The following TRIOBP variants were observed in gnomAD, a reference collection of about 807,000 sequenced individuals.
TRIOBP encodes TRIO and F-actin-binding protein.
In TRIOBP, 169 loss-of-function variants were observed where a neutral mutation model predicts 238.8. That is an observed-to-expected ratio of 0.71 (90% confidence interval 0.62 to 0.80). The LOEUF (loss-of-function observed/expected upper bound fraction) is 0.80, where lower values mean the gene tolerates loss of function less well. Among genes scored for constraint, TRIOBP ranks in the 30% least tolerant of loss-of-function variants. The pLI, the probability that TRIOBP is intolerant of heterozygous loss-of-function variation, is 0.00. For missense variants in TRIOBP, 2,838 were observed against 3,122.6 expected (o/e 0.91, Z 2.17); for synonymous variants, 1,150 against 1,274.4 (o/e 0.90, Z 2.08).
At chr22:37,746,542 T>A in intron 11 of TRIOBP, 1 of 914,216 alleles carries the variant, frequency 1.1e-6, no homozygotes. Flanking sequence ...AGAGGAGGGC[T>A]GGGCCGGAAG....
chr22:37,718,986 A>G (rs1469127751), intron 6 of TRIOBP, among the ~76,000 whole-genome samples: 4 of 150,126 alleles, frequency 2.7e-5, no homozygotes, highest in African/African-American at 9.8e-5. Context: ...AGCTGGGACT[A>G]TAGGTGCCTG....
At chr22:37,759,571 G>GTGACACTCTGCACTTGGACCCTTGCCCC in intron 17 of TRIOBP, 1 of 1,592,858 alleles carries the variant, frequency 6.3e-7, no homozygotes, top group African/African-American at 1.3e-5. Flanking sequence ...GAGTCCCCGT[G>GTGACACTCTGCACTTGGACCCTTGCCCC]TGACACTCTG....
chr22:37,768,154 G>C lies in TRIOBP; in HGVS notation c.6553G>C (p.Asp2185His). The C allele has an allele frequency of 6.2e-7, 1 of 1,612,994 alleles. No homozygotes were observed. Among genetic ancestry groups the C allele is most frequent in the Non-Finnish European group, 8.5e-7 (1 of 1,179,534 alleles). ...SKTRSLQQGP[D>H]GLRKQHQSDV... Reference sequence around the variant, plus strand: ...AACACGGAGTCTCCAGCAGGGCCCGGATGGCCTCCGGAAGCAGCACCAGTA... The same window carrying C: ...AACACGGAGTCTCCAGCAGGGCCCGCATGGCCTCCGGAAGCAGCACCAGTA... The change falls in exon 19 of 24, where the codon GAT becomes CAT. Residue 2185 changes from aspartate (D) to histidine (H), a missense_variant. This residue lies in a region of TRIOBP where 2,096 missense variants were observed against 2,137.4 expected (regional missense o/e 0.98). Transcript: ENST00000644935.
chr22:37,738,900 G>A (rs550501944), intron 10 of TRIOBP, among the ~76,000 whole-genome samples, 181 bp downstream of exon 10: 1 of 152,312 alleles, frequency 6.6e-6, no homozygotes, highest in East Asian at 1.9e-4. Context: ...CCACCTTCTG[G>A]CTTGGGGACC....
intron 12 of TRIOBP, 55 bp from the exon 13 acceptor site, chr22:37,754,822 A>G: frequency 1.3e-6 from 2 of 1,582,900 alleles, no homozygotes; most frequent in Non-Finnish European, 1.7e-6. Flanking sequence ...TGGCAGCCAC[A>G]CAGGACACCT....
At chr22:37,705,362 G>A (rs536942106) in intron 3 of TRIOBP, among the ~76,000 whole-genome samples, 4 of 151,730 alleles carry the variant, frequency 2.6e-5, no homozygotes, top group South Asian at 2.1e-4. Context: ...GCAACAGAGC[G>A]AGAATCCTCT....
chr22:37,705,480 G>A (rs778208578), intron 3 of TRIOBP, among the ~76,000 whole-genome samples: 3 of 152,054 alleles, frequency 2.0e-5, no homozygotes, highest in Non-Finnish European at 4.4e-5. Context: ...GGAGCTATAG[G>A]ACAAGGATGG....
intron 7 of TRIOBP, among the ~76,000 whole-genome samples, chr22:37,727,708 A>G (rs941932211): frequency 2.6e-5 from 4 of 152,132 alleles, no homozygotes; most frequent in East Asian, 1.9e-4. Context: ...AGAGCTACCT[A>G]TTTTAAGAAA....
intron 17 of TRIOBP, 100 bp downstream of exon 17, chr22:37,759,364 T>C: frequency 7.4e-7 from 1 of 1,343,776 alleles, no homozygotes; most frequent in South Asian, 1.2e-5. Flanking sequence ...CTGTGTGTGC[T>C]GGAACCTGTG....
chr22:37,713,976 G>A (rs540709933), intron 5 of TRIOBP, among the ~76,000 whole-genome samples: 33 of 152,322 alleles, frequency 2.2e-4, no homozygotes, highest in African/African-American at 7.0e-4. Context: ...ATGACAGGGG[G>A]TGGTGATAAG....
At chr22:37,716,920 C>G (rs1452398890) in intron 6 of TRIOBP, among the ~76,000 whole-genome samples, 3 of 152,168 alleles carry the variant, frequency 2.0e-5, no homozygotes, top group Admixed American at 1.3e-4. Context: ...ATGCAAAATC[C>G]CTAGGGTGAT....
At chr22:37,716,110 AATT>A (rs964501224) in intron 6 of TRIOBP, among the ~76,000 whole-genome samples, 176 bp downstream of exon 6, 1 of 151,976 alleles carries the variant, frequency 6.6e-6, no homozygotes, top group Non-Finnish European at 1.5e-5. Flanking sequence ...TACCCACTTT[AATT>A]ATTATTATTA....
At chr22:37,730,531 C>G (rs1924372314) in intron 7 of TRIOBP, among the ~76,000 whole-genome samples, 1 of 152,124 alleles carries the variant, frequency 6.6e-6, no homozygotes, top group African/African-American at 2.4e-5. Flanking sequence ...GAGGAACAGC[C>G]CACTGGGTCA....
chr22:37,748,766 G>A (rs1044543226), intron 11 of TRIOBP, among the ~76,000 whole-genome samples: 9 of 152,128 alleles, frequency 5.9e-5, no homozygotes, highest in Non-Finnish European at 4.4e-5. Context: ...AGGGCAGGAC[G>A]GGGGCGGCTG....
Position 37,759,210 on chromosome 22 carries a change from G to T in TRIOBP, c.6270G>T (p.Gln2090His), listed in dbSNP as rs117821814. 6.2e-7 allele frequency: 1 copy of T among 1,613,072 alleles called. No individual in the cohort carries two copies. The highest frequency in any genetic ancestry group is 1.7e-5 in the Admixed American group (1 of 60,008). ...GGCGTCTCCAAGGGGAGGCTCCTCAGAGTGCACTGAGATCCCAGGAGGATG... is the reference window on the plus strand; with the variant it reads ...GGCGTCTCCAAGGGGAGGCTCCTCATAGTGCACTGAGATCCCAGGAGGATG... ...EAWRLQGEAP[Q>H]SALRSQEDGH... is the part of the protein sequence containing the mutation. The change falls in exon 17 of 24, where the codon CAG becomes CAT. Residue 2090 changes from glutamine (Q) to histidine (H), a missense_variant. By Grantham distance (24) the Gln-to-His change is conservative. This residue lies in a region of TRIOBP where 2,096 missense variants were observed against 2,137.4 expected (regional missense o/e 0.98). Coordinates refer to ENST00000644935, the MANE Select transcript of TRIOBP (RefSeq NM_001039141.3).
intron 3 of TRIOBP, among the ~76,000 whole-genome samples, chr22:37,702,238 G>A (rs528680693): frequency 5.3e-5 from 8 of 151,934 alleles, no homozygotes; most frequent in East Asian, 1.9e-4. Context: ...TCACTCTGTC[G>A]CCTGGGCTAG....
intron 11 of TRIOBP, among the ~76,000 whole-genome samples, chr22:37,748,522 G>A (rs1925401410): frequency 6.6e-6 from 1 of 152,112 alleles, no homozygotes; most frequent in African/African-American, 2.4e-5. Context: ...ACCAGGGCAG[G>A]GGCCACAGCT....
chr22:37,715,812 A>T lies in TRIOBP; in HGVS notation c.506A>T (p.Glu169Val). 1 of 1,614,014 alleles carries T rather than the reference A, an allele frequency of 6.2e-7. No individual in the cohort carries two copies. The highest frequency in any genetic ancestry group is 8.5e-7 in the Non-Finnish European group (1 of 1,179,988). ...GAGGAGGAGGCCCCCAGCTGGGACG[A>T]GCTCGCAGTGATGATCCCGAGGAGG... ...RQEEEAPSWD[E>V]LAVMIPRRPR... The change falls in exon 6 of 24, where the codon GAG becomes GTG. Residue 169 changes from glutamate to valine, a missense_variant. Coordinates refer to ENST00000644935, the MANE Select transcript of TRIOBP (RefSeq NM_001039141.3).
At chr22:37,743,801 ATGTGTGTGTGTGTGTG>A (rs71195050) in intron 11 of TRIOBP, among the ~76,000 whole-genome samples, 1,195 of 114,182 alleles carry the variant, frequency 0.01, 9 homozygotes, top group African/African-American at 0.028. Flanking sequence ...GAGAGAGAGA[ATGTGTGTGTGTGTGTG>A]TGTGTGTGTG....
Sources: gnomAD v4.1 joint callset for allele counts (sites outside exome capture counted in the v4.1 genomes callset) on GRCh38, gnomAD v4.1.1 for gene constraint, gnomAD v4.1.1 regional missense constraint, MANE v1.5 for transcripts, NCBI Gene and HGNC (gene_info 2026-07-23, HGNC 2026-07-21) for gene names.